Variants in AKNAD1 observed in about 807,000 individuals in gnomAD.
The protein encoded by AKNAD1 is protein AKNAD1.
AKNAD1 carries 67 observed loss-of-function variants against 90.8 expected under a neutral mutation model. The ratio of observed to expected loss-of-function variants is 0.74; its 90% CI spans 0.61 to 0.90. The LOEUF (loss-of-function observed/expected upper bound fraction) is 0.90. Ranked by LOEUF, AKNAD1 falls within the 40% of genes least tolerant of loss-of-function variation. The pLI is 0.00. For synonymous variants in AKNAD1, 327 were observed against 341.4 expected (o/e 0.96, Z 0.46); for missense variants, 957 against 975.4 (o/e 0.98, Z 0.25).
chr1:108,843,062 G>A (rs1008735422), intron 6 of AKNAD1, 72 bp downstream of exon 6: 38 of 1,563,116 alleles, frequency 2.4e-5, no homozygotes, highest in Non-Finnish European at 3.3e-5. Flanking sequence ...TAAGCCAGCA[G>A]CCACATCAGA....
chr1:108,817,497 A>ATTTTTTTTTTTTTTTT (rs10681740), intron 14 of AKNAD1: 1 of 60,334 alleles, frequency 1.7e-5, no homozygotes, highest in African/African-American at 6.8e-5. Context: ...TTTTTTTTTA[A>ATTTTTTTTTTTTTTTT]TTTTTTTTTT....
At chr1:108,816,847 T>G (rs998808856) in intron 15 of AKNAD1, 3 of 533,440 alleles carry the variant, frequency 5.6e-6, no homozygotes, top group African/African-American at 1.9e-5. Context: ...GAAATTTCCC[T>G]TGGAACCAAT....
Position 108,823,420 on chromosome 1 carries a change from C to T in AKNAD1, c.2117G>A (p.Gly706Asp), listed in dbSNP as rs759979955. 1.2e-6 allele frequency: 2 copies of T among 1,614,124 alleles called. No homozygotes were observed. The highest frequency in any genetic ancestry group is 8.5e-7 in the Non-Finnish European group (1 of 1,180,020). Residue 706 changes from glycine to aspartate, a missense_variant, in exon 13 of 16, where the codon GGT (glycine) becomes GAT (aspartate). Coordinates refer to ENST00000370001, the MANE Select transcript of AKNAD1 (RefSeq NM_152763.5). ...GQNYSNHSKRGAFVQPHSLDE... is the reference protein window; with the variant it reads ...GQNYSNHSKRDAFVQPHSLDE... ...TAAAGAATGGGGCTGGACAAAGGCA[C>T]CTCTTTTGCTATGATTTGAGTAATT... is the stretch of plus-strand genomic sequence containing the variant.
chr1:108,848,433 C>T (rs1245539989), intron 5 of AKNAD1, among the ~76,000 whole-genome samples: 1 of 152,190 alleles, frequency 6.6e-6, no homozygotes, highest in East Asian at 1.9e-4. Context: ...CAGTACCCAT[C>T]AACTGCGGAC....
intron 9 of AKNAD1, 198 bp from the exon 10 acceptor site, chr1:108,830,848 G>T: frequency 1.7e-6 from 1 of 604,502 alleles, no homozygotes; most frequent in Non-Finnish European, 2.9e-6. Flanking sequence ...CCCATCCTTA[G>T]TTCTGATGTG....
At chr1:108,820,773 G>A in intron 13 of AKNAD1, 147 bp from the exon 14 acceptor site, 1 of 583,634 alleles carries the variant, frequency 1.7e-6, no homozygotes, top group Non-Finnish European at 3.0e-6. Flanking sequence ...AGACAACAAA[G>A]AACTTTTGCT....
Position 108,834,519 on chromosome 1 carries a change from G to T in AKNAD1, c.1674C>A (p.Asn558Lys). Reference protein sequence around the residue: ...LCELAPQTYLNGHYGDAAAQN... With the variant: ...LCELAPQTYLKGHYGDAAAQN... The stretch of plus-strand genomic sequence containing the variant: ...GGGCAGCTGCATCTCCATAATGACC[G>T]TTTAGGTAACTAATTTAAAAAAAAA... Residue 558 changes from asparagine to lysine, a missense_variant, in exon 9 of 16, where the codon AAC becomes AAA. Transcript: ENST00000370001. The T allele has an allele frequency of 6.3e-7, 1 of 1,576,230 alleles. No individual in the cohort carries two copies. Among genetic ancestry groups the T allele is most frequent in the Non-Finnish European group, 8.6e-7 (1 of 1,166,796 alleles).
chr1:108,840,991 T>C (rs2101198250), intron 6 of AKNAD1, among the ~76,000 whole-genome samples: 1 of 152,092 alleles, frequency 6.6e-6, no homozygotes, highest in South Asian at 2.1e-4. Flanking sequence ...GCCAACCCGG[T>C]GAAACCCCGT....
At chr1:108,843,464 A>G (rs758097561) in intron 5 of AKNAD1, among the ~76,000 whole-genome samples, 197 bp from the exon 6 acceptor site, 8 of 152,198 alleles carry the variant, frequency 5.3e-5, no homozygotes, top group Non-Finnish European at 1.2e-4. Context: ...AACATTCACA[A>G]ACCCTCACAG....
chr1:108,858,080 A>G (rs1665098327), upstream of AKNAD1: 1 of 152,704 alleles, frequency 6.5e-6, no homozygotes, highest in Admixed American at 6.5e-5. Flanking sequence ...GTCTCTGGAT[A>G]TCACAGGTGA....
chr1:108,856,782 A>G (rs1665060203), intron 1 of AKNAD1, 147 bp downstream of exon 1: 1 of 152,308 alleles, frequency 6.6e-6, no homozygotes, highest in South Asian at 2.1e-4. Context: ...AAAGGAAAAG[A>G]AAAGGAGTGA....
chr1:108,835,867 G>T (rs1016535604), intron 7 of AKNAD1, among the ~76,000 whole-genome samples: 2 of 151,832 alleles, frequency 1.3e-5, no homozygotes, highest in Non-Finnish European at 2.9e-5. Flanking sequence ...CTCGTGATCC[G>T]CCTGCCTCAG....
At chr1:108,828,654 G>A (rs966395770) in intron 10 of AKNAD1, among the ~76,000 whole-genome samples, 2 of 151,614 alleles carry the variant, frequency 1.3e-5, no homozygotes, top group Non-Finnish European at 2.9e-5. Flanking sequence ...TGGGGCTGGG[G>A]CTGAGAAGCC....
rs769178739 is a variant in AKNAD1, at chr1:108,823,387, CT to C, written c.2149del (p.Ser717ValfsTer9). The stretch of plus-strand genomic sequence containing the variant: ...GTACTTACAGGGTGAAGAGTTTTTA[CT>C]TTCATCTAAAGAATGGGGCTGGACA... Reference protein sequence around the residue: ...AFVQPHSLDESKNSSPSFLKP... With the variant: ...AFVQPHSLDEXKNSSPSFLKP... On this transcript the variant is annotated frameshift_variant, in exon 13 of 16. Transcript: ENST00000370001. LOFTEE classifies it high-confidence loss of function. 2 of 1,613,626 alleles carry C rather than the reference CT, an allele frequency of 1.2e-6. 1 individual carries two copies. The highest frequency in any genetic ancestry group is 2.2e-5 in the South Asian group (2 of 91,074).
chr1:108,824,396 A>ACCCTAACCCTAACCCTAACCCTAACC (rs1553201277), intron 11 of AKNAD1, among the ~76,000 whole-genome samples: 8 of 151,940 alleles, frequency 5.3e-5, no homozygotes, highest in East Asian at 2.0e-4. Context: ...GCCTTACTGA[A>ACCCTAACCCTAACCCTAACCCTAACC]CTCATGGTTA....
At chr1:108,850,654 G>A (rs549454676) in intron 2 of AKNAD1, among the ~76,000 whole-genome samples, 4 of 151,838 alleles carry the variant, frequency 2.6e-5, no homozygotes, top group East Asian at 1.9e-4. Flanking sequence ...GAGAGAGAGA[G>A]AAAAATCACT....
rs143013016 is a variant in AKNAD1 at position 108,826,990 on chromosome 1, C to T, written c.1936+215G>A. 3.7e-3 allele frequency among the ~76,000 whole-genome samples: 561 copies of T among 151,592 alleles called. 5 individuals are homozygous for T. Among genetic ancestry groups the T allele is most frequent in the Middle Eastern group, 0.014 (4 of 292 alleles). On this transcript the variant is annotated intron_variant, in intron 11 of 15. Transcript: ENST00000370001. ...CTCCTGAGCTCAAGTGATCCACCCGCCTCAGCCTCCCAAAGTGCTGGAATT... is the reference window on the plus strand; with the variant it reads ...CTCCTGAGCTCAAGTGATCCACCCGTCTCAGCCTCCCAAAGTGCTGGAATT...
intron 1 of AKNAD1, among the ~76,000 whole-genome samples, chr1:108,856,718 T>TAAACACACACACACA (rs1287589720): frequency 3.8e-4 from 55 of 142,922 alleles, no homozygotes; most frequent in Non-Finnish European, 6.1e-4. Context: ...TCTCTCTCTC[T>TAAACACACACACACA]CACACACACA....
At chr1:108,853,469 C>A (rs562675996) in intron 1 of AKNAD1, among the ~76,000 whole-genome samples, 1 of 151,440 alleles carries the variant, frequency 6.6e-6, no homozygotes, top group Non-Finnish European at 1.5e-5. Context: ...GCCTTGTCCA[C>A]GTGTCACTGA....
Sources: allele counts gnomAD v4.1 joint callset (sites outside exome capture counted in the v4.1 genomes callset), GRCh38; gene constraint gnomAD v4.1.1; transcripts MANE v1.5; gene names NCBI Gene and HGNC (gene_info 2026-07-23, HGNC 2026-07-21).